The following POU2F3 variants were observed in gnomAD, a reference collection of about 807,000 sequenced individuals.
POU2F3 encodes POU domain, class 2, transcription factor 3.
In POU2F3, 23 loss-of-function variants were observed where a neutral mutation model predicts 59.2. The ratio of observed to expected loss-of-function variants is 0.39; its 90% CI spans 0.28 to 0.55. The LOEUF (loss-of-function observed/expected upper bound fraction) is 0.55. POU2F3 is among the 20% of genes least tolerant of loss of function. The pLI, the probability that POU2F3 is intolerant of heterozygous loss-of-function variation, is 0.66. For synonymous variants in POU2F3, 190 were observed against 214.6 expected, an observed-to-expected ratio of 0.89 and a Z score of 1.00; for missense variants, 473 against 544.5, an observed-to-expected ratio of 0.87 and a Z score of 1.31.
chr11:120,276,321 G>A (rs1033800737), intron 3 of POU2F3, among the ~76,000 whole-genome samples: 2 of 152,198 alleles, frequency 1.3e-5, no homozygotes, highest in Admixed American at 1.3e-4. Flanking sequence ...AGCCCAGTGG[G>A]GAAGATGTAG....
chr11:120,241,409 T>A (rs1938658268), intron 1 of POU2F3, among the ~76,000 whole-genome samples: 1 of 151,930 alleles, frequency 6.6e-6, no homozygotes, highest in South Asian at 2.1e-4. Flanking sequence ...CAAGCGTCAG[T>A]GAGTGCCCGG....
At chr11:120,299,991 G>A (rs1053774054) in intron 5 of POU2F3, among the ~76,000 whole-genome samples, 1 of 152,156 alleles carries the variant, frequency 6.6e-6, no homozygotes, top group Non-Finnish European at 1.5e-5. Flanking sequence ...GAGTGGAGAC[G>A]GAAGGTGCAG....
rs34929989 is a variant in POU2F3 at position 120,253,262 on chromosome 11, A to ATT, written c.97+6759_97+6760dup. 9.8e-3 allele frequency among the ~76,000 whole-genome samples: 1,415 copies of ATT among 143,668 alleles called. 14 individuals are homozygous for ATT. Among genetic ancestry groups the ATT allele is most frequent in the African/African-American group, 0.02 (763 of 38,860 alleles). The allele number at this position is 143,668 out of a possible 152,430, so 94.3% of individuals were successfully genotyped here. A position where few individuals can be genotyped will look rare whatever the true frequency, so the allele number is the denominator to read the frequency against. The stretch of plus-strand genomic sequence containing the variant: ...CTTGGATGTGCTATTAACATTTTTA[A>ATT]TTTTTTTTTTTTTTTGAGATGGAGT... On this transcript the variant is annotated intron_variant, in intron 2 of 12. Transcript: ENST00000543440.
chr11:120,304,584 C>T (rs1429271224), intron 6 of POU2F3, among the ~76,000 whole-genome samples: 1 of 152,060 alleles, frequency 6.6e-6, no homozygotes, highest in African/African-American at 2.4e-5. Context: ...CTGTTCAACA[C>T]CTCAGTTACC....
chr11:120,263,510 G>C (rs1288110862), intron 2 of POU2F3, among the ~76,000 whole-genome samples: 1 of 152,188 alleles, frequency 6.6e-6, no homozygotes, highest in Admixed American at 6.5e-5. Flanking sequence ...ATCACTTCCA[G>C]ATTTGATCCG....
intron 2 of POU2F3, among the ~76,000 whole-genome samples, chr11:120,254,483 A>G (rs1939250389): frequency 1.3e-5 from 2 of 151,618 alleles, no homozygotes; most frequent in Non-Finnish European, 2.9e-5. Context: ...AGCATTTGTT[A>G]TGGGTCTGTG....
At position 120,294,341 on chromosome 11, in the gene POU2F3, C is replaced by T. The variant is rs551962226; in HGVS notation, c.133-3924C>T. Among the ~76,000 whole-genome samples the T allele has an allele frequency of 3.2e-4, 49 of 152,302 alleles. 1 individual carries two copies. The highest frequency in any genetic ancestry group is 1.1e-3 in the African/African-American group (47 of 41,570). ...AGCACCCTGTGGTGACCCACGTCTC[C>T]AGGGATGCGTCCGTCCCAAGTAAAG... is the stretch of plus-strand genomic sequence containing the variant. On this transcript the variant is annotated intron_variant, in intron 3 of 12. Coordinates refer to ENST00000543440, the MANE Select transcript of POU2F3 (RefSeq NM_014352.4).
intron 2 of POU2F3, chr11:120,249,948 C>A (rs1171562574): frequency 6.6e-6 from 1 of 152,218 alleles, no homozygotes; most frequent in Non-Finnish European, 1.5e-5. Context: ...CTCTATCAGA[C>A]TCTTATCCTA....
At chr11:120,250,224 A>G (rs1939041514) in intron 2 of POU2F3, 1 of 151,764 alleles carries the variant, frequency 6.6e-6, no homozygotes, top group South Asian at 2.1e-4. Flanking sequence ...CTTCCCTTTC[A>G]GTCTTTTCTC....
At chr11:120,297,793 C>T (rs1394908232) in intron 3 of POU2F3, among the ~76,000 whole-genome samples, 3 of 151,926 alleles carry the variant, frequency 2.0e-5, no homozygotes, top group South Asian at 2.1e-4. Context: ...TTTTAAGAGA[C>T]AGGGTCTCAC....
upstream of POU2F3, among the ~76,000 whole-genome samples, chr11:120,237,120 G>A (rs1451643057): frequency 6.6e-6 from 1 of 152,162 alleles, no homozygotes; most frequent in Non-Finnish European, 1.5e-5. Flanking sequence ...TCTACTAGCT[G>A]CGTTTACTTC....
At chr11:120,295,956 G>A (rs925658900) in intron 3 of POU2F3, among the ~76,000 whole-genome samples, 1 of 152,184 alleles carries the variant, frequency 6.6e-6, no homozygotes, top group African/African-American at 2.4e-5. Flanking sequence ...TGCAACCAGG[G>A]CTTCTTGGTG....
chr11:120,268,845 G>C (rs911880165), intron 2 of POU2F3, among the ~76,000 whole-genome samples: 2 of 152,120 alleles, frequency 1.3e-5, no homozygotes, highest in African/African-American at 4.8e-5. Flanking sequence ...TGGTCCCTTG[G>C]TCCCTGGAGG....
intron 2 of POU2F3, chr11:120,256,927 T>C (rs1939367004): frequency 6.6e-6 from 1 of 152,254 alleles, no homozygotes; most frequent in Non-Finnish European, 1.5e-5. Flanking sequence ...CAGTCTCTAC[T>C]CAGTGATTTA....
At chr11:120,249,074 G>C (rs1392794675) in intron 2 of POU2F3, among the ~76,000 whole-genome samples, 1 of 152,200 alleles carries the variant, frequency 6.6e-6, no homozygotes, top group African/African-American at 2.4e-5. Context: ...CACTGGTCAG[G>C]AATGCCCAGG....
At chr11:120,263,439 T>A (rs1017536227) in intron 2 of POU2F3, among the ~76,000 whole-genome samples, 2 of 152,252 alleles carry the variant, frequency 1.3e-5, no homozygotes, top group Non-Finnish European at 2.9e-5. Flanking sequence ...GCCTACCAAA[T>A]ATTTTCTAAT....
At chr11:120,304,330 C>CAAAAAAAAAAAAAAA (rs768088081) in intron 6 of POU2F3, 2 of 120,490 alleles carry the variant, frequency 1.7e-5, no homozygotes, top group Non-Finnish European at 1.6e-5. Flanking sequence ...GATCCTGATT[C>CAAAAAAAAAAAAAAA]AAAAAAAAAA....
intron 2 of POU2F3, among the ~76,000 whole-genome samples, chr11:120,251,524 C>G (rs1256244559): frequency 6.6e-6 from 1 of 152,142 alleles, no homozygotes; most frequent in Non-Finnish European, 1.5e-5. Context: ...GCTAGGTAGC[C>G]TCTAGGATCT....
upstream of POU2F3, among the ~76,000 whole-genome samples, chr11:120,238,479 C>T (rs1938554813): frequency 6.6e-6 from 1 of 152,010 alleles, no homozygotes; most frequent in Middle Eastern, 3.2e-3. Context: ...AGCAATTGAT[C>T]AGTTACCAAC....
Sources: allele counts gnomAD v4.1 joint callset (sites outside exome capture counted in the v4.1 genomes callset), GRCh38; gene constraint gnomAD v4.1.1; transcripts MANE v1.5; gene names NCBI Gene and HGNC (gene_info 2026-07-23, HGNC 2026-07-21).